Variants in GPM6B observed in about 807,000 individuals in gnomAD.
GPM6B encodes the protein neuronal membrane glycoprotein M6-b.
Under a neutral mutation model 27.2 loss-of-function variants are expected in GPM6B, and 4 were observed. The ratio of observed to expected loss-of-function variants is 0.15; its 90% confidence interval spans 0.07 to 0.34. The LOEUF (loss-of-function observed/expected upper bound fraction) is 0.34, where lower values mean the gene tolerates loss of function less well. Ranked by LOEUF, GPM6B falls within the 10% of genes least tolerant of loss-of-function variation. The pLI is 1.00. For synonymous variants in GPM6B, 124 were observed against 103.1 expected, an observed-to-expected ratio of 1.20 and a Z score of -1.23; for missense variants, 183 against 261.9, an observed-to-expected ratio of 0.70 and a Z score of 2.08.
chrX:13,865,614 G>T (rs1438627713), intron 1 of GPM6B, among the ~76,000 whole-genome samples: 27 of 93,941 alleles, frequency 2.9e-4, no homozygotes, highest in African/African-American at 9.7e-4. Context: ...AATATTAGCT[G>T]GGCATGGTGG....
chrX:13,776,351 T>C, intron 6 of GPM6B, 48 bp from the exon 7 acceptor site: 1 of 991,490 alleles, frequency 1.0e-6, no homozygotes, highest in Non-Finnish European at 1.4e-6. Context: ...TTAAATGAAA[T>C]GGCCTACACT....
intron 7 of GPM6B, 99 bp from the exon 8 acceptor site, chrX:13,773,129 G>GTTAA: frequency 1.4e-6 from 1 of 692,210 alleles, no homozygotes; most frequent in South Asian, 3.0e-5. Context: ...AGGGGCGAAG[G>GTTAA]TTAATTCTGT....
At chrX:13,878,192 T>C (rs1239713800) in intron 1 of GPM6B, among the ~76,000 whole-genome samples, 1 of 110,430 alleles carries the variant, frequency 9.1e-6, no homozygotes, top group Non-Finnish European at 1.9e-5. Flanking sequence ...TCCCAAACTC[T>C]TACGAATATT....
intron 1 of GPM6B, among the ~76,000 whole-genome samples, chrX:13,865,651 G>A (rs780615364): frequency 1.4e-4 from 15 of 107,081 alleles, no homozygotes; most frequent in Non-Finnish European, 2.9e-4. Flanking sequence ...CAGCTACTCA[G>A]GAGGCTGAGG....
At chrX:13,923,767 A>T (rs1299199920) in intron 1 of GPM6B, among the ~76,000 whole-genome samples, 1 of 112,294 alleles carries the variant, frequency 8.9e-6, no homozygotes, top group African/African-American at 3.2e-5. Context: ...CTTTCTTTCA[A>T]CCAAGAATTT....
chrX:13,781,672 C>T (rs1398800180), intron 4 of GPM6B, among the ~76,000 whole-genome samples: 1 of 111,570 alleles, frequency 9.0e-6, no homozygotes, highest in Non-Finnish European at 1.9e-5. Context: ...CTACTTGTGA[C>T]CTGGAAGCCC....
intron 1 of GPM6B, among the ~76,000 whole-genome samples, chrX:13,866,743 C>G (rs1399593240): frequency 9.0e-6 from 1 of 111,473 alleles, no homozygotes; most frequent in African/African-American, 3.3e-5. Context: ...ACTGAGGTCC[C>G]AAATTGATTA....
At position 13,799,190 on chromosome X, in the gene GPM6B, A is replaced by ATT. The variant is rs763194245; in HGVS notation, c.181+8458_181+8459dup. 2.6e-3 allele frequency among the ~76,000 whole-genome samples: 95 copies of ATT among 35,969 alleles called. 15 individuals are homozygous for ATT. The highest frequency in any genetic ancestry group is 3.9e-3 in the Non-Finnish European group (84 of 21,474). 31.2% of individuals were successfully genotyped at this position (35,969 alleles called of 115,157 possible). A position where few individuals can be genotyped will look rare whatever the true frequency, so the allele number is the denominator to read the frequency against. On this transcript the variant is annotated intron_variant, in intron 2 of 7. Coordinates refer to ENST00000316715, the MANE Select transcript of GPM6B (RefSeq NM_001001995.3). The stretch of plus-strand genomic sequence containing the variant: ...CTAGAAACCTCGATTAGCCAACCTA[A>ATT]TTTTTTTTTTTTTTTTTTTTTTTTT...
At chrX:13,869,751 A>G (rs1821166553) in intron 1 of GPM6B, among the ~76,000 whole-genome samples, 1 of 112,409 alleles carries the variant, frequency 8.9e-6, no homozygotes. Flanking sequence ...AAGAGTTCCA[A>G]TACATCCTTC....
intron 2 of GPM6B, among the ~76,000 whole-genome samples, chrX:13,799,539 A>T (rs2048883011): frequency 9.1e-6 from 1 of 109,959 alleles, no homozygotes; most frequent in African/African-American, 3.3e-5. Flanking sequence ...CAAGGTCTTG[A>T]CCAGCCTGGC....
intron 2 of GPM6B, among the ~76,000 whole-genome samples, chrX:13,794,344 G>T (rs904924748): frequency 2.7e-5 from 3 of 110,878 alleles, no homozygotes. Context: ...TTTAACCTGC[G>T]TATAAATCTC....
chrX:13,810,168 TACTGTTCAGG>T (rs1441972947), intron 1 of GPM6B, among the ~76,000 whole-genome samples: 75 of 111,349 alleles, frequency 6.7e-4, no homozygotes, highest in African/African-American at 2.2e-3. Flanking sequence ...ATTTTTGCTT[TACTGTTCAGG>T]AGATTCTCTC....
At chrX:13,849,510 T>C (rs931615897) in intron 1 of GPM6B, among the ~76,000 whole-genome samples, 9 of 112,454 alleles carry the variant, frequency 8.0e-5, no homozygotes, top group African/African-American at 2.9e-4. Flanking sequence ...GGTGAAACAA[T>C]TGAACATAAT....
intron 1 of GPM6B, among the ~76,000 whole-genome samples, chrX:13,883,834 T>G (rs1017853096): frequency 9.6e-6 from 1 of 104,331 alleles, no homozygotes; most frequent in African/African-American, 3.6e-5. Context: ...GGCGATAGCG[T>G]GAGACCCTGT....
intron 1 of GPM6B, among the ~76,000 whole-genome samples, chrX:13,868,374 T>C (rs770607449): frequency 3.6e-5 from 4 of 112,008 alleles, no homozygotes; most frequent in South Asian, 7.5e-4. Context: ...GTTTCTGGAT[T>C]TTGAAGGACA....
Position 13,772,821 on chromosome X carries a change from CAGCTGTCTGATGATTTGTCAG to C in GPM6B, c.*39_*59del. The C allele has an allele frequency of 9.1e-7, 1 of 1,100,807 alleles. No homozygotes were observed. The highest frequency in any genetic ancestry group is 1.2e-6 in the Non-Finnish European group (1 of 802,398). The allele number at this position is 1,100,807 out of a possible 1,213,427, so 90.7% of individuals were successfully genotyped here. A position where few individuals can be genotyped will look rare whatever the true frequency, so the allele number is the denominator to read the frequency against. Reference sequence around the variant, plus strand: ...TGGGATACACATCTGTACTGCAGAGCAGCTGTCTGATGATTTGTCAGAGCTGTAAATACGTCGGCCGAAACA... The same window carrying C: ...TGGGATACACATCTGTACTGCAGAGCAGCTGTAAATACGTCGGCCGAAACA... On this transcript the variant is annotated 3_prime_UTR_variant, in exon 8 of 8. Transcript: ENST00000316715.
At chrX:13,810,672 T>C (rs772079367) in intron 1 of GPM6B, among the ~76,000 whole-genome samples, 1 of 106,640 alleles carries the variant, frequency 9.4e-6, no homozygotes, top group East Asian at 2.9e-4. Flanking sequence ...TGAAAAACCA[T>C]GGACTGCTCA....
At chrX:13,817,177 G>A (rs2049252808), upstream of GPM6B, 4 of 907,505 alleles carry the variant, frequency 4.4e-6, no homozygotes, top group Non-Finnish European at 5.4e-6. Flanking sequence ...GCCATTCGGC[G>A]CCCGGTGGTG....
chrX:13,800,550 C>T (rs1360206880), intron 2 of GPM6B, among the ~76,000 whole-genome samples: 3 of 112,322 alleles, frequency 2.7e-5, no homozygotes, highest in Non-Finnish European at 5.6e-5. Context: ...AATAGCGAAA[C>T]ATTACTTCAA....
Sources: allele counts gnomAD v4.1 joint callset (sites outside exome capture counted in the v4.1 genomes callset), GRCh38; gene constraint gnomAD v4.1.1; transcripts MANE v1.5; gene names NCBI Gene and HGNC (gene_info 2026-07-23, HGNC 2026-07-21).